LRMDA: variants seen among roughly 807,000 people sequenced by gnomAD.
The protein encoded by LRMDA is leucine-rich melanocyte differentiation-associated protein.
In LRMDA, 18 loss-of-function variants were observed where a neutral mutation model predicts 29.8. That is an observed-to-expected ratio of 0.60 (90% CI 0.42 to 0.90). The LOEUF (loss-of-function observed/expected upper bound fraction) is 0.90. LRMDA is among the 40% of genes least tolerant of loss of function. LRMDA has a pLI of 0.00. For synonymous variants in LRMDA, 125 were observed against 109.4 expected, an observed-to-expected ratio of 1.14 and a Z score of -0.89; for missense variants, 273 against 273.9, an observed-to-expected ratio of 1.00 and a Z score of 0.02.
At chr10:76,294,064 C>A (rs1261914993) in intron 5 of LRMDA, among the ~76,000 whole-genome samples, 1 of 152,166 alleles carries the variant, frequency 6.6e-6, no homozygotes, top group Non-Finnish European at 1.5e-5. Context: ...GAGGAGTTGA[C>A]AAGCTGGGTG....
intron 4 of LRMDA, among the ~76,000 whole-genome samples, chr10:76,051,133 G>T (rs145162887): frequency 6.6e-6 from 1 of 152,220 alleles, no homozygotes; most frequent in Admixed American, 6.5e-5. Flanking sequence ...GGGACCCTCC[G>T]CCGTCTGGTC....
At chr10:76,087,669 G>T (rs1254363576) in intron 5 of LRMDA, among the ~76,000 whole-genome samples, 1 of 152,188 alleles carries the variant, frequency 6.6e-6, no homozygotes, top group African/African-American at 2.4e-5. Context: ...TCATGTGGAA[G>T]AGGGATCCGT....
intron 6 of LRMDA, among the ~76,000 whole-genome samples, chr10:76,441,926 C>T (rs1197916397): frequency 2.0e-5 from 3 of 152,192 alleles, no homozygotes; most frequent in Non-Finnish European, 2.9e-5. Context: ...TTTTCCTAGT[C>T]ATAGCAGCCA....
chr10:76,442,824 T>C (rs916267642), intron 6 of LRMDA, among the ~76,000 whole-genome samples: 4 of 152,242 alleles, frequency 2.6e-5, no homozygotes, highest in African/African-American at 9.6e-5. Flanking sequence ...TCTTACGTAA[T>C]GAATAAACTC....
chr10:75,498,738 A>G (rs1454305413), intron 2 of LRMDA, among the ~76,000 whole-genome samples: 3 of 152,214 alleles, frequency 2.0e-5, no homozygotes, highest in South Asian at 2.1e-4. Flanking sequence ...TCTGAAGGGT[A>G]TAAACACTGG....
At chr10:75,653,166 T>C (rs1306760574) in intron 2 of LRMDA, among the ~76,000 whole-genome samples, 1 of 152,200 alleles carries the variant, frequency 6.6e-6, no homozygotes, top group Admixed American at 6.5e-5. Flanking sequence ...CTTCTTTCAT[T>C]CCTATTCCAG....
intron 5 of LRMDA, among the ~76,000 whole-genome samples, chr10:76,197,425 G>A (rs528070951): frequency 3.9e-5 from 6 of 152,150 alleles, no homozygotes; most frequent in South Asian, 2.1e-4. Flanking sequence ...ACAAACTAGC[G>A]GTTATCTAAA....
chr10:75,810,684 G>A (rs1843942816), intron 2 of LRMDA, among the ~76,000 whole-genome samples: 1 of 152,170 alleles, frequency 6.6e-6, no homozygotes, highest in African/African-American at 2.4e-5. Flanking sequence ...TTTTGCTTTG[G>A]TGGTGGCAGC....
intron 6 of LRMDA, among the ~76,000 whole-genome samples, chr10:76,390,006 A>C (rs1250668108): frequency 6.6e-6 from 1 of 152,210 alleles, no homozygotes; most frequent in African/African-American, 2.4e-5. Context: ...GTATATATAC[A>C]GATTTAAAAT....
intron 2 of LRMDA, among the ~76,000 whole-genome samples, chr10:75,667,816 C>T (rs1316746432): frequency 3.9e-5 from 6 of 152,096 alleles, no homozygotes; most frequent in African/African-American, 7.2e-5. Context: ...ATGAAAAAAA[C>T]GTATTAATTA....
chr10:76,281,126 G>T (rs1840198415), intron 5 of LRMDA, among the ~76,000 whole-genome samples: 1 of 152,128 alleles, frequency 6.6e-6, no homozygotes, highest in Non-Finnish European at 1.5e-5. Context: ...AGAATGACAG[G>T]CTCTCAATTT....
intron 6 of LRMDA, among the ~76,000 whole-genome samples, chr10:76,342,981 G>A (rs1841059380): frequency 6.6e-6 from 1 of 152,130 alleles, no homozygotes; most frequent in African/African-American, 2.4e-5. Flanking sequence ...GGCTGGAGCA[G>A]GGAGTAAAAA....
rs1460272945 is a variant in LRMDA at position 76,454,662 on chromosome 10, T to C, written c.602-102547T>C. On this transcript the variant is annotated intron_variant, in intron 6 of 6. Coordinates refer to ENST00000611255, the MANE Select transcript of LRMDA (RefSeq NM_001305581.2). ...TTTGACTTCCTTTTTATTTGTATCT[T>C]CCATTTCCTTTCCCTGGGCCAGATG... 3.0e-4 allele frequency among the ~76,000 whole-genome samples: 45 copies of C among 150,466 alleles called. 1 individual carries two copies. The highest frequency in any genetic ancestry group is 3.0e-3 in the Admixed American group (45 of 15,056).
At chr10:75,649,766 C>T (rs1337453719) in intron 2 of LRMDA, among the ~76,000 whole-genome samples, 1 of 152,234 alleles carries the variant, frequency 6.6e-6, no homozygotes, top group Non-Finnish European at 1.5e-5. Flanking sequence ...GATTTCTCTA[C>T]ATCCTTGCCA....
chr10:75,888,259 T>C (rs1845424460), intron 2 of LRMDA, among the ~76,000 whole-genome samples: 1 of 152,232 alleles, frequency 6.6e-6, no homozygotes. Context: ...GTGGAAACTC[T>C]TTTCTTTCTC....
chr10:75,968,594 TGG>T (rs1241517562), intron 2 of LRMDA, among the ~76,000 whole-genome samples: 2 of 152,302 alleles, frequency 1.3e-5, no homozygotes, highest in East Asian at 3.9e-4. Flanking sequence ...CCAGAGAATG[TGG>T]GCAAAATACT....
intron 2 of LRMDA, among the ~76,000 whole-genome samples, chr10:75,505,742 C>A (rs1292527631): frequency 6.6e-6 from 1 of 152,158 alleles, no homozygotes. Context: ...CCTGATCCCT[C>A]CACCCCTACT....
At chr10:76,064,569 G>A (rs1347900442) in intron 5 of LRMDA, among the ~76,000 whole-genome samples, 3 of 152,172 alleles carry the variant, frequency 2.0e-5, no homozygotes, top group Non-Finnish European at 4.4e-5. Context: ...TTTATGCCTA[G>A]TGTAGCACTT....
intron 2 of LRMDA, among the ~76,000 whole-genome samples, chr10:75,846,924 A>C (rs1473862947): frequency 6.6e-6 from 1 of 152,204 alleles, no homozygotes; most frequent in East Asian, 1.9e-4. Context: ...TTAAAATGTC[A>C]ATACTACCCA....
Sources: allele counts gnomAD v4.1 joint callset (sites outside exome capture counted in the v4.1 genomes callset), GRCh38; gene constraint gnomAD v4.1.1; transcripts MANE v1.5; gene names NCBI Gene and HGNC (gene_info 2026-07-23, HGNC 2026-07-21).